STIMATE: variants seen among roughly 807,000 people sequenced by gnomAD.
STIMATE encodes the protein store-operated calcium entry regulator STIMATE.
In STIMATE, 15 loss-of-function variants were observed where a neutral mutation model predicts 36.7. The ratio of observed to expected loss-of-function variants is 0.41; its 90% CI spans 0.27 to 0.63. The LOEUF (loss-of-function observed/expected upper bound fraction) is 0.63, where lower values mean the gene tolerates loss of function less well. STIMATE is among the 20% of genes least tolerant of loss of function. STIMATE has a pLI of 0.32. For synonymous variants in STIMATE, 163 were observed against 162.3 expected, an observed-to-expected ratio of 1.00 and a Z score of -0.03; for missense variants, 305 against 397.3, an observed-to-expected ratio of 0.77 and a Z score of 1.98.
chr3:52,840,281 A>T lies in STIMATE; in HGVS notation c.*213T>A. ...GTGTTTGTAGTGCAACTGAATGGGG[A>T]CCTCCAGCCGCCAGTGGCCCCCTCG... On this transcript the variant is annotated 3_prime_UTR_variant, in exon 8 of 8. Transcript: ENST00000355083. The T allele has an allele frequency of 1.9e-6, 1 of 514,008 alleles. No individual in the cohort carries two copies. The highest frequency in any genetic ancestry group is 3.5e-6 in the Non-Finnish European group (1 of 289,214). 31.8% of individuals were successfully genotyped at this position (514,008 alleles called of 1,614,324 possible). A position where few individuals can be genotyped will look rare whatever the true frequency, so the allele number is the denominator to read the frequency against.
intron 2 of STIMATE, 63 bp downstream of exon 2, chr3:52,855,333 C>G: frequency 6.4e-7 from 1 of 1,573,548 alleles, no homozygotes; most frequent in East Asian, 2.3e-5. Flanking sequence ...ACCCCACCCC[C>G]AGCCCCAAGA....
At chr3:52,866,408 C>A (rs2336661) in intron 1 of STIMATE, among the ~76,000 whole-genome samples, 1 of 152,294 alleles carries the variant, frequency 6.6e-6, no homozygotes, top group East Asian at 1.9e-4. Flanking sequence ...AGTCCCACCC[C>A]ATCTCACCTG....
chr3:52,887,323 A>G (rs1482398337), intron 1 of STIMATE, among the ~76,000 whole-genome samples: 2 of 152,212 alleles, frequency 1.3e-5, no homozygotes, highest in African/African-American at 4.8e-5. Flanking sequence ...CTGGAGGAGC[A>G]TTTCGCCATA....
intron 7 of STIMATE, chr3:52,841,815 C>A (rs545368485): frequency 6.6e-6 from 1 of 152,374 alleles, no homozygotes; most frequent in Non-Finnish European, 1.5e-5. Context: ...GTGCATTTCA[C>A]ACTATGGCCC....
intron 1 of STIMATE, among the ~76,000 whole-genome samples, chr3:52,887,490 G>A (rs761073292): frequency 1.6e-4 from 25 of 152,332 alleles, no homozygotes; most frequent in Non-Finnish European, 3.1e-4. Flanking sequence ...GAGCCTGGCT[G>A]TCCTGCAAGA....
intron 1 of STIMATE, among the ~76,000 whole-genome samples, chr3:52,876,991 A>G (rs971344183): frequency 6.6e-6 from 1 of 152,244 alleles, no homozygotes; most frequent in African/African-American, 2.4e-5. Context: ...ATATATACAT[A>G]GTCCAAAATT....
At chr3:52,872,186 T>C (rs1028572671) in intron 1 of STIMATE, among the ~76,000 whole-genome samples, 1 of 152,148 alleles carries the variant, frequency 6.6e-6, no homozygotes, top group African/African-American at 2.4e-5. Context: ...AATTCTTACA[T>C]TTTCTTACTA....
At chr3:52,880,805 G>A (rs909076046) in intron 1 of STIMATE, among the ~76,000 whole-genome samples, 2 of 152,158 alleles carry the variant, frequency 1.3e-5, no homozygotes, top group Admixed American at 6.5e-5. Context: ...CAATTCAAAG[G>A]CTCACTATAT....
intron 1 of STIMATE, among the ~76,000 whole-genome samples, chr3:52,864,086 C>A (rs569102694): frequency 6.6e-6 from 1 of 152,350 alleles, no homozygotes; most frequent in East Asian, 1.9e-4. Context: ...TCTCACAGCT[C>A]CACTAGGCGG....
rs989303097 is a variant in STIMATE at position 52,878,146 on chromosome 3, G to A, written c.160+19145C>T. ...ATCACCTCCCCTATCTTGAGAAGAA[G>A]AAACAGTCTCAGACAGATAAAGTCA... On this transcript the variant is annotated intron_variant, in intron 1 of 7. Coordinates refer to ENST00000355083, the MANE Select transcript of STIMATE (RefSeq NM_198563.5). Among the ~76,000 whole-genome samples the A allele has an allele frequency of 7.4e-5, 11 of 148,850 alleles. No individual in the cohort carries two copies. The East Asian group carries it at 2.2e-3, about 29-fold the overall frequency.
intron 1 of STIMATE, among the ~76,000 whole-genome samples, chr3:52,893,958 C>G (rs924364077): frequency 5.3e-5 from 8 of 152,194 alleles, no homozygotes; most frequent in Non-Finnish European, 1.0e-4. Context: ...TGGCTGACAG[C>G]TGGTTGGCTA....
chr3:52,856,452 G>A (rs181011775), intron 1 of STIMATE, among the ~76,000 whole-genome samples: 13 of 152,280 alleles, frequency 8.5e-5, no homozygotes, highest in East Asian at 5.8e-4. Context: ...AAGCTGAGGC[G>A]TGAGGATTGC....
chr3:52,843,211 G>A (rs1427026501), intron 6 of STIMATE: 10 of 628,888 alleles, frequency 1.6e-5, no homozygotes, highest in Non-Finnish European at 2.0e-5. Context: ...GGTAACTAGG[G>A]GGAACAGCCT....
chr3:52,896,944 G>C (rs1344492251), intron 1 of STIMATE, among the ~76,000 whole-genome samples: 1 of 152,216 alleles, frequency 6.6e-6, no homozygotes, highest in Non-Finnish European at 1.5e-5. Flanking sequence ...AAGAGCCCCT[G>C]AGAAGGGGCG....
At position 52,842,889 on chromosome 3, in the gene STIMATE, CCTTT is replaced by C; in HGVS notation, c.686_689del (p.Glu229GlyfsTer29). On this transcript the variant is annotated frameshift_variant, in exon 7 of 8. Transcript: ENST00000355083. LOFTEE classifies it high-confidence loss of function. ...CATTCCTCGAGTCCTGGTTGGCTCC[CCTTT>C]CTTCTAGCTTAGCTTTCGTCTTCCC... 1 of 1,614,242 alleles carries C rather than the reference CCTTT, an allele frequency of 6.2e-7. No individual in the cohort carries two copies. Among genetic ancestry groups the C allele is most frequent in the Non-Finnish European group, 8.5e-7 (1 of 1,180,044 alleles).
chr3:52,843,985 A>T (rs1283815248), intron 5 of STIMATE, among the ~76,000 whole-genome samples, 187 bp from the exon 6 acceptor site: 1 of 152,240 alleles, frequency 6.6e-6, no homozygotes, highest in East Asian at 1.9e-4. Flanking sequence ...CTTGGAGACC[A>T]CATTAAGCAT....
intron 1 of STIMATE, among the ~76,000 whole-genome samples, chr3:52,864,149 A>G (rs1237666550): frequency 3.3e-5 from 5 of 152,190 alleles, no homozygotes; most frequent in African/African-American, 7.2e-5. Context: ...TCCCTTCCAC[A>G]TTGCCCTAGC....
At chr3:52,862,334 C>T (rs1217010554) in intron 1 of STIMATE, among the ~76,000 whole-genome samples, 1 of 152,216 alleles carries the variant, frequency 6.6e-6, no homozygotes, top group Admixed American at 6.5e-5. Context: ...GGCTTCCCTG[C>T]TCCGATCTCT....
At chr3:52,843,638 GCTTT>G in intron 6 of STIMATE, 79 bp downstream of exon 6, 1 of 1,600,496 alleles carries the variant, frequency 6.2e-7, no homozygotes, top group Admixed American at 1.7e-5. Context: ...CTACAGGTGA[GCTTT>G]CTGTCAGACT....
Sources: allele counts gnomAD v4.1 joint callset (sites outside exome capture counted in the v4.1 genomes callset), GRCh38; gene constraint gnomAD v4.1.1; transcripts MANE v1.5; gene names NCBI Gene and HGNC (gene_info 2026-07-23, HGNC 2026-07-21).